The following TP63 variants were observed in gnomAD, a reference collection of about 807,000 sequenced individuals.
TP63 encodes the protein tumor protein 63.
In TP63, 17 loss-of-function variants were observed where a neutral mutation model predicts 82.8. The observed-to-expected ratio is 0.21, with a 90% CI of 0.14 to 0.31. TP63 has a LOEUF of 0.31. Among genes scored for constraint, TP63 ranks in the 10% least tolerant of loss-of-function variants. The pLI is 1.00. For missense variants in TP63, 648 were observed against 895.3 expected (o/e 0.72, Z 3.52); for synonymous variants, 330 against 321.7 (o/e 1.03, Z -0.28).
At chr3:189,682,555 T>A (rs947383010) in intron 1 of TP63, among the ~76,000 whole-genome samples, 43 of 3,276 alleles carry the variant, frequency 0.013, no homozygotes, top group Middle Eastern at 0.17. Flanking sequence ...AAAAAAAAAA[T>A]ATATATATAT....
intron 4 of TP63, among the ~76,000 whole-genome samples, chr3:189,832,371 T>G (rs1009216615): frequency 1.3e-5 from 2 of 152,132 alleles, no homozygotes; most frequent in Admixed American, 1.3e-4. Flanking sequence ...GGGCCAACTT[T>G]CCTTAGTATA....
At chr3:189,879,434 A>T (rs1412967887) in intron 10 of TP63, among the ~76,000 whole-genome samples, 2 of 152,192 alleles carry the variant, frequency 1.3e-5, no homozygotes, top group Admixed American at 6.5e-5. Flanking sequence ...TACTCAAAGG[A>T]TTAAGGTATT....
intron 4 of TP63, among the ~76,000 whole-genome samples, chr3:189,859,499 A>C (rs2108784476): frequency 6.6e-6 from 1 of 152,304 alleles, no homozygotes; most frequent in South Asian, 2.1e-4. Flanking sequence ...GTTAATTTAA[A>C]CCACAATGAG....
intron 1 of TP63, among the ~76,000 whole-genome samples, chr3:189,715,648 T>C (rs907114482): frequency 1.3e-5 from 2 of 152,210 alleles, no homozygotes; most frequent in African/African-American, 4.8e-5. Context: ...CACCATGGTA[T>C]GTAAATCTGA....
chr3:189,886,672 A>C, intron 11 of TP63, 121 bp downstream of exon 11: 3 of 1,409,058 alleles, frequency 2.1e-6, no homozygotes, highest in Non-Finnish European at 2.9e-6. Flanking sequence ...AGATCAGATC[A>C]AAGTGGAGTG....
intron 3 of TP63, among the ~76,000 whole-genome samples, chr3:189,744,218 T>C (rs1721206416): frequency 6.6e-6 from 1 of 152,122 alleles, no homozygotes; most frequent in Non-Finnish European, 1.5e-5. Context: ...TTCATGTGCC[T>C]CAGGACAAAT....
At chr3:189,620,667 TCC>T in the TP63 span, among the ~76,000 whole-genome samples, 1 of 152,212 alleles carries the variant, frequency 6.6e-6, no homozygotes, top group Non-Finnish European at 1.5e-5. Flanking sequence ...ATCAAAGATG[TCC>T]CATGTGCTGC....
rs189737247 is a variant in TP63 at position 189,833,040 on chromosome 3, T to C, written c.579+24514T>C. On this transcript the variant is annotated intron_variant, in intron 4 of 13. Coordinates refer to ENST00000264731, the MANE Select transcript of TP63 (RefSeq NM_003722.5). The stretch of plus-strand genomic sequence containing the variant: ...TGAGACTGGATCTTCCCTTGTATCT[T>C]ATTGATAGAGAGTAAATCGAATCCA... 8.1e-4 allele frequency among the ~76,000 whole-genome samples: 123 copies of C among 152,356 alleles called. 1 individual carries two copies. Among genetic ancestry groups the C allele is most frequent in the African/African-American group, 2.7e-3 (112 of 41,590 alleles).
chr3:189,853,400 A>C (rs1336380305), intron 4 of TP63, among the ~76,000 whole-genome samples: 1 of 152,152 alleles, frequency 6.6e-6, no homozygotes, highest in East Asian at 1.9e-4. Context: ...CTACCACTGC[A>C]GGCTTTGCTT....
intron 4 of TP63, among the ~76,000 whole-genome samples, chr3:189,814,930 T>C (rs1193030863): frequency 2.6e-5 from 4 of 152,230 alleles, no homozygotes. Flanking sequence ...ATTTATTGCA[T>C]GTGAACATTA....
intron 1 of TP63, among the ~76,000 whole-genome samples, chr3:189,701,899 TTTTC>T (rs1560120684): frequency 1.3e-5 from 2 of 152,186 alleles, no homozygotes; most frequent in South Asian, 2.1e-4. Flanking sequence ...GTTTCTAATC[TTTTC>T]TTTCTTTTTC....
intron 1 of TP63, among the ~76,000 whole-genome samples, chr3:189,671,217 G>C (rs547318333): frequency 2.6e-5 from 4 of 152,026 alleles, no homozygotes; most frequent in African/African-American, 9.6e-5. Context: ...TTTTAATAAT[G>C]GGCAAGGGAT....
At chr3:189,793,987 T>C (rs535720246) in intron 3 of TP63, among the ~76,000 whole-genome samples, 6 of 152,176 alleles carry the variant, frequency 3.9e-5, no homozygotes, top group Admixed American at 1.3e-4. Context: ...AGGTGAAACA[T>C]TTGATTCAAA....
intron 1 of TP63, among the ~76,000 whole-genome samples, chr3:189,682,554 ATATATATAT>A (rs1235289942): frequency 1.3e-4 from 1 of 7,802 alleles, no homozygotes; most frequent in African/African-American, 4.0e-4. Context: ...AAAAAAAAAA[ATATATATAT>A]ATATATATAT....
chr3:189,631,032 T>C (rs1398624020), upstream of TP63, among the ~76,000 whole-genome samples: 1 of 152,176 alleles, frequency 6.6e-6, no homozygotes, highest in African/African-American at 2.4e-5. Context: ...AGTATCCAGA[T>C]ACAAGGAAGT....
intron 1 of TP63, among the ~76,000 whole-genome samples, chr3:189,639,184 T>C (rs1433667573): frequency 6.6e-6 from 1 of 152,142 alleles, no homozygotes; most frequent in Admixed American, 6.6e-5. Flanking sequence ...GATGGGTAGA[T>C]AAAATACTGT....
upstream of TP63, among the ~76,000 whole-genome samples, chr3:189,630,278 C>T (rs1368687500): frequency 1.3e-5 from 2 of 152,038 alleles, no homozygotes; most frequent in South Asian, 2.1e-4. Context: ...TGTTAGTGAC[C>T]GTTAGATACA....
intron 1 of TP63, among the ~76,000 whole-genome samples, chr3:189,726,776 A>G (rs1241365847): frequency 6.6e-6 from 1 of 152,226 alleles, no homozygotes; most frequent in East Asian, 1.9e-4. Flanking sequence ...TGTACTCCAC[A>G]TATAATGGTC....
chr3:189,840,106 T>A (rs1272041808), intron 4 of TP63, among the ~76,000 whole-genome samples: 1 of 152,212 alleles, frequency 6.6e-6, no homozygotes, highest in African/African-American at 2.4e-5. Flanking sequence ...TTTTTGTGTT[T>A]TATACATCAA....
Sources: gnomAD v4.1 joint callset for allele counts (sites outside exome capture counted in the v4.1 genomes callset) on GRCh38, gnomAD v4.1.1 for gene constraint, MANE v1.5 for transcripts, NCBI Gene and HGNC (gene_info 2026-07-23, HGNC 2026-07-21) for gene names.